Variants in TAX1BP1 observed in about 807,000 individuals in gnomAD.
TAX1BP1 encodes Tax1 binding protein 1, also known as tax1-binding protein 1.
TAX1BP1 carries 62 observed loss-of-function variants against 97.7 expected under a neutral mutation model. The ratio of observed to expected loss-of-function variants is 0.63; its 90% CI spans 0.52 to 0.78. The LOEUF (loss-of-function observed/expected upper bound fraction) is 0.78. Ranked by LOEUF, TAX1BP1 falls within the 30% of genes least tolerant of loss-of-function variation. The pLI is 0.00. For synonymous variants in TAX1BP1, 340 were observed against 304.2 expected (o/e 1.12, Z -1.23); for missense variants, 867 against 916.1 (o/e 0.95, Z 0.69).
At chr7:27,808,869 A>G (rs755833388) in intron 13 of TAX1BP1, among the ~76,000 whole-genome samples, 1 of 152,206 alleles carries the variant, frequency 6.6e-6, no homozygotes, top group Non-Finnish European at 1.5e-5. Flanking sequence ...TAAGATAGCT[A>G]CACTTATGTT....
intron 13 of TAX1BP1, among the ~76,000 whole-genome samples, chr7:27,803,364 G>A (rs766069326): frequency 6.6e-5 from 10 of 152,184 alleles, no homozygotes; most frequent in Non-Finnish European, 1.0e-4. Flanking sequence ...AAACATTTTT[G>A]AAGTTGTTTA....
intron 15 of TAX1BP1, among the ~76,000 whole-genome samples, chr7:27,820,074 A>G (rs938711258): frequency 6.6e-6 from 1 of 152,210 alleles, no homozygotes. Context: ...AGGTGATCAT[A>G]TGATTTTTAA....
At chr7:27,824,557 A>G (rs1791099122) in intron 15 of TAX1BP1, among the ~76,000 whole-genome samples, 2 of 151,554 alleles carry the variant, frequency 1.3e-5, no homozygotes, top group Non-Finnish European at 2.9e-5. Context: ...CTCAAAAAAA[A>G]AAAAAAAAAA....
intron 8 of TAX1BP1, among the ~76,000 whole-genome samples, chr7:27,791,400 T>G (rs960944454): frequency 1.3e-5 from 2 of 152,226 alleles, no homozygotes; most frequent in African/African-American, 2.4e-5. Context: ...CAATTTTAGC[T>G]TTTTAAAGAT....
At chr7:27,764,641 T>A (rs1294343804) in intron 3 of TAX1BP1, among the ~76,000 whole-genome samples, 1 of 152,190 alleles carries the variant, frequency 6.6e-6, no homozygotes, top group Non-Finnish European at 1.5e-5. Context: ...TGTGGAAATA[T>A]CTTGTTTCTC....
intron 13 of TAX1BP1, chr7:27,803,288 T>C (rs1790208213): frequency 9.2e-7 from 1 of 1,090,980 alleles, no homozygotes; most frequent in Admixed American, 3.7e-5. Context: ...AATGTTCAAA[T>C]TTAGGAAAAC....
At chr7:27,786,789 A>G (rs1789501390) in intron 7 of TAX1BP1, among the ~76,000 whole-genome samples, 1 of 152,234 alleles carries the variant, frequency 6.6e-6, no homozygotes, top group Non-Finnish European at 1.5e-5. Flanking sequence ...ATTTCTCCTC[A>G]GTACTCTTAA....
chr7:27,790,394 T>C (rs1443168272), intron 8 of TAX1BP1, among the ~76,000 whole-genome samples: 1 of 151,872 alleles, frequency 6.6e-6, no homozygotes, highest in Non-Finnish European at 1.5e-5. Context: ...GTAGAATAAG[T>C]TCTTTCAAGT....
rs201652935 is a variant in TAX1BP1 at position 27,805,834 on chromosome 7, TCAA to T, written c.1764+5766_1764+5768del. 2.8e-3 allele frequency among the ~76,000 whole-genome samples: 421 copies of T among 151,816 alleles called. 6 individuals are homozygous for T. Among genetic ancestry groups the T allele is most frequent in the African/African-American group, 9.6e-3 (399 of 41,352 alleles). On this transcript the variant is annotated intron_variant, in intron 13 of 16. Coordinates refer to ENST00000396319, the MANE Select transcript of TAX1BP1 (RefSeq NM_006024.7). ...CTGGGCAACAGAGTGAGACTCTGTA[TCAA>T]CAACAACAACAACAACAACAAAATG...
intron 3 of TAX1BP1, among the ~76,000 whole-genome samples, chr7:27,758,739 A>T (rs1361430061): frequency 6.6e-6 from 1 of 152,180 alleles, no homozygotes; most frequent in Non-Finnish European, 1.5e-5. Context: ...CCGCTATATG[A>T]GGTACTTAGA....
chr7:27,758,002 A>T (rs749102977), intron 2 of TAX1BP1, 29 bp from the exon 3 acceptor site: 1 of 1,502,342 alleles, frequency 6.7e-7, no homozygotes, highest in Non-Finnish European at 9.2e-7. Context: ...TTTGCTTATA[A>T]ATCCGCCTTT....
At chr7:27,752,276 CAGTA>C (rs1158366559) in intron 2 of TAX1BP1, among the ~76,000 whole-genome samples, 1 of 152,170 alleles carries the variant, frequency 6.6e-6, no homozygotes, top group Non-Finnish European at 1.5e-5. Flanking sequence ...TATGGCATCT[CAGTA>C]AGGAGGAGCA....
chr7:27,778,428 T>C (rs1386532034), intron 5 of TAX1BP1, among the ~76,000 whole-genome samples: 4 of 152,194 alleles, frequency 2.6e-5, no homozygotes, highest in Admixed American at 6.5e-5. Flanking sequence ...CGTGGACTTT[T>C]ATTTAATATG....
rs1790770702 is a variant in TAX1BP1, at chr7:27,816,428, C to G, written c.1844C>G (p.Thr615Arg). Residue 615 changes from threonine (T) to arginine (R), a missense_variant, in exon 14 of 17, where the codon ACA becomes AGA. Thr to Arg is a moderately conservative substitution (Grantham distance 71). Around this residue, in one of 3 missense-constraint regions of TAX1BP1, gnomAD observed 822 missense variants for 851.4 expected, o/e 0.97. Transcript: ENST00000396319. The part of the protein sequence containing the change: ...QNSQSPQCFK[T>R]CSEQNGYVLT... Reference sequence around the variant, plus strand: ...TCCCAGAGTCCTCAATGTTTCAAAACATGCTCAGAGCAAAATGGTTATGTT... The same window carrying G: ...TCCCAGAGTCCTCAATGTTTCAAAAGATGCTCAGAGCAAAATGGTTATGTT... 1 of 1,577,756 alleles carries G rather than the reference C, an allele frequency of 6.3e-7. No individual in the cohort carries two copies.
chr7:27,787,611 C>A lies in TAX1BP1; in HGVS notation c.1038+8C>A. 1 of 1,593,800 alleles carries A rather than the reference C, an allele frequency of 6.3e-7. No individual in the cohort carries two copies. Among genetic ancestry groups the A allele is most frequent in the Non-Finnish European group, 8.5e-7 (1 of 1,172,530 alleles). ...CTTACAACCTCAAGTAAAGTAAGTA[C>A]TTTTGCTATATATATTTGAAGATTG... On this transcript the variant is annotated splice_region_variant and intron_variant, in intron 8 of 16. Transcript: ENST00000396319.
intron 13 of TAX1BP1, among the ~76,000 whole-genome samples, chr7:27,804,686 G>A (rs1174879390): frequency 2.6e-5 from 4 of 152,212 alleles, no homozygotes; most frequent in Non-Finnish European, 5.9e-5. Context: ...AAAAAATAAT[G>A]TGGCAGATGG....
rs374011024 is a variant in TAX1BP1, at chr7:27,798,588, C to T, written c.1639-1377C>T. On this transcript the variant is annotated intron_variant, in intron 12 of 16. Coordinates refer to ENST00000396319, the MANE Select transcript of TAX1BP1 (RefSeq NM_006024.7). The stretch of plus-strand genomic sequence containing the variant: ...CTGGGGCAGGAGAATCGCTTGAACC[C>T]GGGAGGTGGAGGTCGCAGTGAGCCA... 5.4e-5 allele frequency among the ~76,000 whole-genome samples: 8 copies of T among 147,982 alleles called. No homozygotes were observed. In the East Asian group the frequency reaches 6.0e-4, roughly 11 times the overall value.
intron 2 of TAX1BP1, among the ~76,000 whole-genome samples, chr7:27,755,771 T>TAA (rs921279389): frequency 6.6e-6 from 1 of 152,196 alleles, no homozygotes; most frequent in African/African-American, 2.4e-5. Flanking sequence ...TTAACATACA[T>TAA]ACAGCCTCCA....
intron 5 of TAX1BP1, among the ~76,000 whole-genome samples, chr7:27,784,256 AT>A (rs1789379801): frequency 6.6e-6 from 1 of 152,126 alleles, no homozygotes; most frequent in South Asian, 2.1e-4. Context: ...AATAAAAATA[AT>A]TTTATCTTAA....
Sources: gnomAD v4.1 joint callset for allele counts (sites outside exome capture counted in the v4.1 genomes callset) on GRCh38, gnomAD v4.1.1 for gene constraint, gnomAD v4.1.1 regional missense constraint, MANE v1.5 for transcripts, NCBI Gene and HGNC (gene_info 2026-07-23, HGNC 2026-07-21) for gene names.